HIBCH: variants seen among roughly 807,000 people sequenced by gnomAD.
The protein encoded by HIBCH is 3-hydroxyisobutyryl-CoA hydrolase, mitochondrial.
Under a neutral mutation model 58.2 loss-of-function variants are expected in HIBCH, and 50 were observed. The observed-to-expected ratio is 0.86, with a 90% CI of 0.68 to 1.09. The LOEUF is 1.09. HIBCH is among the 50% of genes least tolerant of loss of function. HIBCH has a pLI of 0.00. For missense variants in HIBCH, 450 were observed against 449.7 expected (o/e 1.00, Z -0.01); for synonymous variants, 151 against 146.9 (o/e 1.03, Z -0.20).
intron 11 of HIBCH, 73 bp downstream of exon 11, chr2:190,244,814 A>AC: frequency 4.3e-6 from 4 of 932,192 alleles, no homozygotes; most frequent in Admixed American, 1.7e-5. Flanking sequence ...GAGCACTAAT[A>AC]CCCCCTTAGA....
intron 12 of HIBCH, 75 bp downstream of exon 12, chr2:190,212,881 G>A (rs968377091): frequency 1.5e-6 from 2 of 1,308,144 alleles, no homozygotes; most frequent in Non-Finnish European, 2.2e-6. Context: ...TGCACTTAGT[G>A]TATTTTACAA....
chr2:190,191,011 ATAAG>A (rs2105873310), intron 1 of HIBCH, among the ~76,000 whole-genome samples: 1 of 152,306 alleles, frequency 6.6e-6, no homozygotes, highest in East Asian at 1.9e-4. Flanking sequence ...TGTCATATAA[ATAAG>A]TAACCTTTTG....
chr2:190,270,268 CTT>C (rs33918420), intron 6 of HIBCH, among the ~76,000 whole-genome samples: 282 of 143,460 alleles, frequency 2.0e-3, no homozygotes, highest in South Asian at 0.015. Flanking sequence ...GTTATTACAC[CTT>C]TTTTTTTTTT....
At chr2:190,195,387 G>T (rs1322406779) in intron 1 of HIBCH, among the ~76,000 whole-genome samples, 1 of 152,188 alleles carries the variant, frequency 6.6e-6, no homozygotes, top group Non-Finnish European at 1.5e-5. Context: ...CACTTTCTAA[G>T]AAACTGCCAG....
At chr2:190,246,285 T>TA in intron 9 of HIBCH, 73 bp from the exon 10 acceptor site, 1 of 842,462 alleles carries the variant, frequency 1.2e-6, no homozygotes, top group South Asian at 1.5e-5. Context: ...TATTTAATGA[T>TA]ACACTTTGTG....
At chr2:190,203,648 A>G (rs542193696), downstream of HIBCH, among the ~76,000 whole-genome samples, 2 of 152,240 alleles carry the variant, frequency 1.3e-5, no homozygotes, top group Admixed American at 1.3e-4. Flanking sequence ...CCAATTTAGG[A>G]CCTTTAAGAG....
chr2:190,314,174 AATTTT>A (rs1295471761), intron 1 of HIBCH, among the ~76,000 whole-genome samples: 2 of 151,676 alleles, frequency 1.3e-5, no homozygotes, highest in Non-Finnish European at 2.9e-5. Context: ...TATAAGACAG[AATTTT>A]ATTTAACTCA....
chr2:190,246,106 A>G (rs759561446), intron 10 of HIBCH, 48 bp downstream of exon 10: 6 of 1,075,278 alleles, frequency 5.6e-6, no homozygotes, highest in Non-Finnish European at 7.2e-6. Flanking sequence ...ATTCATTTTA[A>G]CATAGTCTTT....
Position 190,259,319 on chromosome 2 carries a change from ATGTGTGTGTGTGTG to A in HIBCH, c.517+1823_517+1836del, listed in dbSNP as rs370172555. Among the ~76,000 whole-genome samples the A allele has an allele frequency of 4.4e-3, 532 of 122,202 alleles. 9 individuals are homozygous for A. In the East Asian group the frequency reaches 0.058, roughly 13 times the overall value. 80.2% of individuals were successfully genotyped at this position (122,202 alleles called of 152,430 possible). A position where few individuals can be genotyped will look rare whatever the true frequency, so the allele number is the denominator to read the frequency against. ...AAGTTTTGTAGTTTTCAGTATACAGATGTGTGTGTGTGTGTGTGTGTGTGTGTGTGTGTGTGTGT... is the reference window on the plus strand; with the variant it reads ...AAGTTTTGTAGTTTTCAGTATACAGATGTGTGTGTGTGTGTGTGTGTGTGT... On this transcript the variant is annotated intron_variant, in intron 7 of 13. Coordinates refer to ENST00000359678, the MANE Select transcript of HIBCH (RefSeq NM_014362.4).
chr2:190,246,213 CTGTT>C lies in HIBCH; in HGVS notation c.751-5_751-2del. The C allele has an allele frequency of 1.3e-6, 2 of 1,571,172 alleles. No homozygotes were observed. The highest frequency in any genetic ancestry group is 1.7e-6 in the Non-Finnish European group (2 of 1,146,700). ...AAGACTTGTCTCGATCAATCTTAGA[CTGTT>C]TGAAAAGAAAAATCTTTTAATAAAT... On this transcript the variant is annotated splice_acceptor_variant and splice_polypyrimidine_tract_variant and intron_variant, in intron 9 of 13. Coordinates refer to ENST00000359678, the MANE Select transcript of HIBCH (RefSeq NM_014362.4). LOFTEE classifies it high-confidence loss of function.
rs935533689 is a variant in HIBCH at position 190,252,200 on chromosome 2, T to C, written c.625A>G (p.Arg209Gly). Residue 209 changes from arginine to glycine, a missense_variant, in exon 8 of 14, where the codon AGA (arginine) becomes GGA (glycine). By Grantham distance (125) the Arg-to-Gly change is moderately radical. Coordinates refer to ENST00000359678, the MANE Select transcript of HIBCH (RefSeq NM_014362.4). ...ACAAAGTGTGTAGCAATTCCTGCTC[T>C]GTACACATCTCTTCCTTTTAGTCTG... The part of the protein sequence containing the change: ...GFRLKGRDVY[R>G]AGIATHFVDS... 1 of 1,613,946 alleles carries C rather than the reference T, an allele frequency of 6.2e-7. No individual in the cohort carries two copies. Among genetic ancestry groups the C allele is most frequent in the Non-Finnish European group, 8.5e-7 (1 of 1,179,790 alleles).
rs914079077 is a variant in HIBCH, at chr2:190,211,518, A to G, written c.1011+1438T>C. ...CAAATTGAACCGAATGAAATGAAAA[A>G]TCAAATCACCTCCTGCTTAAGCCCA... On this transcript the variant is annotated intron_variant, in intron 12 of 13. Transcript: ENST00000359678. The surrounding 1 kb of genome is among the most constrained non-coding windows in gnomAD (Gnocchi z 5.0). 6.6e-5 allele frequency among the ~76,000 whole-genome samples: 10 copies of G among 152,154 alleles called. No individual in the cohort carries two copies. Among genetic ancestry groups the G allele is most frequent in the African/African-American group, 2.4e-4 (10 of 41,444 alleles).
intron 5 of HIBCH, among the ~76,000 whole-genome samples, chr2:190,288,631 T>C (rs1687887200): frequency 6.6e-6 from 1 of 151,958 alleles, no homozygotes; most frequent in Non-Finnish European, 1.5e-5. Context: ...AAACAATTTA[T>C]GGAATGGTTA....
At chr2:190,280,485 G>T (rs1179090209) in intron 6 of HIBCH, among the ~76,000 whole-genome samples, 2 of 152,160 alleles carry the variant, frequency 1.3e-5, no homozygotes, top group Admixed American at 6.6e-5. Flanking sequence ...CAGTCTCCCA[G>T]TAGACAGAAA....
At chr2:190,208,784 A>T in intron 13 of HIBCH, 96 bp downstream of exon 13, 1 of 1,077,336 alleles carries the variant, frequency 9.3e-7, no homozygotes, top group Non-Finnish European at 1.4e-6. Context: ...TTTGGATTTT[A>T]GGATTTGGGA....
chr2:190,290,523 T>A, intron 4 of HIBCH, 38 bp from the exon 5 acceptor site: 5 of 1,280,526 alleles, frequency 3.9e-6, no homozygotes, highest in Non-Finnish European at 5.6e-6. Flanking sequence ...AAAAAAGATT[T>A]AATAGTCAAC....
chr2:190,293,862 G>A (rs1017843533), intron 4 of HIBCH, among the ~76,000 whole-genome samples: 2 of 151,726 alleles, frequency 1.3e-5, no homozygotes, highest in Admixed American at 1.3e-4. Flanking sequence ...CTGATGCTGA[G>A]AACAGACATT....
Position 190,236,427 on chromosome 2 carries a change from G to A in HIBCH, c.891+8460C>T, listed in dbSNP as rs1686276676. On this transcript the variant is annotated intron_variant, in intron 11 of 13. Coordinates refer to ENST00000359678, the MANE Select transcript of HIBCH (RefSeq NM_014362.4). The surrounding 1 kb of genome is among the most constrained non-coding windows in gnomAD (Gnocchi z 4.1). ...TAAGAGTTATGTTCTGCTTTGAACT[G>A]TAAATATTTTTCTAAGTAATCATCT... 6.6e-6 allele frequency among the ~76,000 whole-genome samples: 1 copy of A among 152,130 alleles called. No homozygotes were observed. The highest frequency in any genetic ancestry group is 6.5e-5 in the Admixed American group (1 of 15,270).
intron 6 of HIBCH, among the ~76,000 whole-genome samples, chr2:190,264,285 T>C (rs1687171964): frequency 1.3e-5 from 2 of 151,920 alleles, no homozygotes; most frequent in Middle Eastern, 3.4e-3. Context: ...TTCTTTCTTT[T>C]TTTTTTTTTA....
Sources: allele counts gnomAD v4.1 joint callset (sites outside exome capture counted in the v4.1 genomes callset), GRCh38; gene constraint gnomAD v4.1.1; non-coding constraint Gnocchi (gnomAD v3.1); transcripts MANE v1.5; gene names NCBI Gene and HGNC (gene_info 2026-07-23, HGNC 2026-07-21).